MUC21: variants seen among roughly 807,000 people sequenced by gnomAD.
MUC21 encodes mucin-21.
MUC21 carries 8 observed loss-of-function variants against 9.1 expected under a neutral mutation model. That is an observed-to-expected ratio of 0.88 (90% CI 0.52 to 1.59). The LOEUF is 1.59. MUC21 is among the 40% of genes most tolerant of loss of function. The pLI, the probability that MUC21 is intolerant of heterozygous loss-of-function variation, is 0.00. For missense variants in MUC21, 478 were observed against 694.2 expected, an observed-to-expected ratio of 0.69 and a Z score of 3.50; for synonymous variants, 189 against 275.2, an observed-to-expected ratio of 0.69 and a Z score of 3.10.
intron 1 of MUC21, among the ~76,000 whole-genome samples, chr6:30,984,878 G>A (rs935795887): frequency 6.6e-6 from 1 of 151,962 alleles, no homozygotes; most frequent in Non-Finnish European, 1.5e-5. Context: ...AGGAGGCTGA[G>A]GCAGGAGAAT....
chr6:30,984,210 G>A (rs145206726), intron 1 of MUC21, 191 bp downstream of exon 1: 22 of 531,856 alleles, frequency 4.1e-5, no homozygotes, highest in Non-Finnish European at 6.7e-5. Context: ...ATTGGGCTCT[G>A]GTCTCACATT....
Position 30,987,180 on chromosome 6 carries a change from C to T in MUC21, c.1005C>T (p.Ser335=), listed in dbSNP as rs779599163. The change falls in exon 2 of 3, where the codon TCC becomes TCT. Residue 335 remains serine (S), a synonymous_variant. Transcript: ENST00000376296. ...SGASTATNSE[S]STTSSGASTA... is the part of the protein sequence containing the mutation. ...CCAGCACAGCCACCAACTCTGAGTC[C>T]AGCACGACCTCCAGTGGGGCCAGCA... The T allele has an allele frequency of 1.9e-6, 3 of 1,601,710 alleles. No individual in the cohort carries two copies. Among genetic ancestry groups the T allele is most frequent in the African/African-American group, 1.4e-5 (1 of 73,540 alleles).
At position 30,983,997 on chromosome 6, in the gene MUC21, T is replaced by G. The variant is rs779374361; in HGVS notation, c.39T>G (p.Gly13=). The stretch of plus-strand genomic sequence containing the variant: ...AAGGAAATGTTCTCCTTATGTTTGG[T>G]CTACTATTGCATTTAGAAGCTGGTG... ...MQKGNVLLMF[G]LLLHLEAATN... The change falls in exon 1 of 3, where the codon GGT becomes GGG. Residue 13 remains glycine (G), a synonymous_variant. Coordinates refer to ENST00000376296, the MANE Select transcript of MUC21 (RefSeq NM_001010909.5). 2 of 779,902 alleles carry G rather than the reference T, an allele frequency of 2.6e-6. No homozygotes were observed. The highest frequency in any genetic ancestry group is 2.7e-5 in the South Asian group (2 of 74,598). The allele number at this position is 779,902 out of a possible 1,614,324, so 48.3% of individuals were successfully genotyped here. A position where few individuals can be genotyped will look rare whatever the true frequency, so the allele number is the denominator to read the frequency against.
chr6:30,984,205 G>GC (rs1762156570), intron 1 of MUC21, 186 bp downstream of exon 1: 3 of 537,280 alleles, frequency 5.6e-6, no homozygotes, highest in Non-Finnish European at 9.9e-6. Flanking sequence ...TTAAAATTGG[G>GC]CTCTGGTCTC....
chr6:30,989,383 C>G lies in MUC21; in HGVS notation c.*1189C>G, dbSNP rs1390294898. 2 of 152,150 alleles carry G rather than the reference C, an allele frequency of 1.3e-5. No individual in the cohort carries two copies. The highest frequency in any genetic ancestry group is 3.8e-4 in the East Asian group (2 of 5,204). 9.4% of individuals were successfully genotyped at this position (152,150 alleles called of 1,614,324 possible). ...GAGTTTTGCAGTGGTGCAATCATAG[C>G]TCATTGCAGCCTTCAATTCCTGGGC... On this transcript the variant is annotated 3_prime_UTR_variant, in exon 3 of 3. Coordinates refer to ENST00000376296, the MANE Select transcript of MUC21 (RefSeq NM_001010909.5).
At position 30,989,286 on chromosome 6, in the gene MUC21, C is replaced by G. The variant is rs1189007615; in HGVS notation, c.*1092C>G. The G allele has an allele frequency of 1.3e-5, 2 of 152,204 alleles. No individual in the cohort carries two copies. Among genetic ancestry groups the G allele is most frequent in the Non-Finnish European group, 2.9e-5 (2 of 68,038 alleles). The allele number at this position is 152,204 out of a possible 1,614,324, so 9.4% of individuals were successfully genotyped here. A position where few individuals can be genotyped will look rare whatever the true frequency, so the allele number is the denominator to read the frequency against. Reference sequence around the variant, plus strand: ...TCTTACCAATGCGGCTATAGGAAAACAGCCTGTTGCATGGTAAGAGTGATA... The same window carrying G: ...TCTTACCAATGCGGCTATAGGAAAAGAGCCTGTTGCATGGTAAGAGTGATA... On this transcript the variant is annotated 3_prime_UTR_variant, in exon 3 of 3. Transcript: ENST00000376296.
rs1341540051 is a variant in MUC21, at chr6:30,986,492, C to A, written c.317C>A (p.Thr106Asn). Residue 106 changes from threonine to asparagine, a missense_variant, in exon 2 of 3, where the codon ACC (threonine) becomes AAC (asparagine). Thr to Asn is a moderately conservative substitution (Grantham distance 65). Around this residue, in one of 5 missense-constraint regions of MUC21, gnomAD observed 53 missense variants for 139.1 expected, o/e 0.38. Coordinates refer to ENST00000376296, the MANE Select transcript of MUC21 (RefSeq NM_001010909.5). The stretch of plus-strand genomic sequence containing the variant: ...GTGTCCAGTGGGATCAGCATAGCCA[C>A]CAACTCTGAGTCCAGCACAACCTCC... ...STVSSGISIA[T>N]NSESSTTSSG... 1 of 1,581,264 alleles carries A rather than the reference C, an allele frequency of 6.3e-7. No individual in the cohort carries two copies. The highest frequency in any genetic ancestry group is 8.7e-7 in the Non-Finnish European group (1 of 1,154,562).
chr6:30,987,711 G>A, intron 2 of MUC21, 30 bp downstream of exon 2: 1 of 1,602,122 alleles, frequency 6.2e-7, no homozygotes, highest in Non-Finnish European at 8.5e-7. Flanking sequence ...GAAAATGCCT[G>A]GGGGAAGGAG....
intron 1 of MUC21, among the ~76,000 whole-genome samples, chr6:30,985,146 T>C (rs1762196990): frequency 6.6e-6 from 1 of 152,166 alleles, no homozygotes; most frequent in South Asian, 2.1e-4. Flanking sequence ...TTCATCCTTC[T>C]GGGAAATCAA....
At chr6:30,987,710 TG>T in intron 2 of MUC21, 29 bp downstream of exon 2, 2 of 1,603,116 alleles carry the variant, frequency 1.2e-6, no homozygotes, top group Middle Eastern at 1.7e-4. Flanking sequence ...AGAAAATGCC[TG>T]GGGGAAGGAG....
rs1033249270 is a variant in MUC21 at position 30,983,765 on chromosome 6, G to T, written c.-194G>T. 2.7e-5 allele frequency: 13 copies of T among 488,896 alleles called. No homozygotes were observed. Among genetic ancestry groups the T allele is most frequent in the Non-Finnish European group, 4.3e-5 (12 of 277,836 alleles). 30.3% of individuals were successfully genotyped at this position (488,896 alleles called of 1,614,324 possible). Reference sequence around the variant, plus strand: ...CCTGGAGGAAGCCTAAGGAACCCAGGCATCCAGCTGCCCACGCCTGAGTCC... The same window carrying T: ...CCTGGAGGAAGCCTAAGGAACCCAGTCATCCAGCTGCCCACGCCTGAGTCC... On this transcript the variant is annotated 5_prime_UTR_variant, in exon 1 of 3. Coordinates refer to ENST00000376296, the MANE Select transcript of MUC21 (RefSeq NM_001010909.5).
rs73727148 is a variant in MUC21, at chr6:30,983,781, G to A, written c.-178G>A. On this transcript the variant is annotated 5_prime_UTR_variant, in exon 1 of 3. Transcript: ENST00000376296. ...GGAACCCAGGCATCCAGCTGCCCAC[G>A]CCTGAGTCCAAGATTCTTCCCAGGA... The A allele has an allele frequency of 1.9e-6, 1 of 515,200 alleles. No homozygotes were observed. The allele number at this position is 515,200 out of a possible 1,614,324, so 31.9% of individuals were successfully genotyped here. A position where few individuals can be genotyped will look rare whatever the true frequency, so the allele number is the denominator to read the frequency against.
At position 30,986,481 on chromosome 6, in the gene MUC21, C is replaced by G; in HGVS notation, c.306C>G (p.Ile102Met). ...AGTTCAGCACAGTGTCCAGTGGGAT[C>G]AGCATAGCCACCAACTCTGAGTCCA... ...NSEFSTVSSG[I>M]SIATNSESST... The change falls in exon 2 of 3, where the codon ATC (isoleucine) becomes ATG (methionine). Residue 102 changes from isoleucine to methionine, a missense_variant. By Grantham distance (10) the Ile-to-Met change is conservative. Around this residue, in one of 5 missense-constraint regions of MUC21, gnomAD observed 53 missense variants for 139.1 expected, o/e 0.38. Transcript: ENST00000376296. 1.2e-6 allele frequency: 2 copies of G among 1,600,538 alleles called. No homozygotes were observed. The highest frequency in any genetic ancestry group is 2.7e-5 in the African/African-American group (2 of 74,514).
intron 2 of MUC21, 33 bp downstream of exon 2, chr6:30,987,714 G>C (rs1762446026): frequency 6.2e-7 from 1 of 1,600,568 alleles, no homozygotes; most frequent in Non-Finnish European, 8.5e-7. Context: ...AATGCCTGGG[G>C]GAAGGAGCAG....
At position 30,988,410 on chromosome 6, in the gene MUC21, T is replaced by C; in HGVS notation, c.*216T>C. The C allele has an allele frequency of 1.9e-6, 1 of 526,844 alleles. No individual in the cohort carries two copies. Among genetic ancestry groups the C allele is most frequent in the Admixed American group, 3.5e-5 (1 of 28,350 alleles). The allele number at this position is 526,844 out of a possible 1,614,324, so 32.6% of individuals were successfully genotyped here. ...AGCTAAGAAATAAATACATCTCATC[T>C]AACACACACGACAAAGAGAAGCTGT... On this transcript the variant is annotated 3_prime_UTR_variant, in exon 3 of 3. Transcript: ENST00000376296.
chr6:30,987,598 C>T lies in MUC21; in HGVS notation c.1423C>T (p.Leu475=). ...AVSEAKPGGS[L]VPWEIFLITL... ...GAGTGAGGCGAAGCCTGGTGGGTCC[C>T]TGGTGCCGTGGGAAATCTTCCTCAT... The change falls in exon 2 of 3, where the codon CTG becomes TTG. Residue 475 remains leucine, a synonymous_variant. Transcript: ENST00000376296. 2 of 1,614,230 alleles carry T rather than the reference C, an allele frequency of 1.2e-6. No individual in the cohort carries two copies. Among genetic ancestry groups the T allele is most frequent in the Non-Finnish European group, 1.7e-6 (2 of 1,180,038 alleles).
Position 30,986,251 on chromosome 6 carries a change from G to A in MUC21, c.76G>A (p.Glu26Lys), listed in dbSNP as rs1762237814. Residue 26 changes from glutamate to lysine, a missense_variant, in exon 2 of 3, where the codon GAG becomes AAG. Physicochemically the swap from Glu to Lys is moderately conservative, Grantham distance 56 (BLOSUM62 1). Coordinates refer to ENST00000376296, the MANE Select transcript of MUC21 (RefSeq NM_001010909.5). ...LHLEAATNSN[E>K]TSTSANTGSS... ...GATTTCTTCAGCAACAAATTCCAAT[G>A]AGACTAGCACCTCTGCCAACACTGG... is the stretch of plus-strand genomic sequence containing the variant. 1.9e-6 allele frequency: 3 copies of A among 1,608,432 alleles called. No individual in the cohort carries two copies. The highest frequency in any genetic ancestry group is 2.6e-6 in the Non-Finnish European group (3 of 1,176,062).
chr6:30,987,938 A>G (rs1179558871), intron 2 of MUC21, 62 bp from the exon 3 acceptor site: 7 of 987,354 alleles, frequency 7.1e-6, no homozygotes, highest in Admixed American at 3.5e-5. Context: ...CAGAAGGCGT[A>G]CGTGGTAAAG....
chr6:30,987,852 G>T, intron 2 of MUC21, 148 bp from the exon 3 acceptor site: 2 of 1,183,826 alleles, frequency 1.7e-6, no homozygotes, highest in South Asian at 1.5e-5. Context: ...GCTGACCTGC[G>T]GGAAAAGGGG....
Sources: allele counts gnomAD v4.1 joint callset (sites outside exome capture counted in the v4.1 genomes callset), GRCh38; gene constraint gnomAD v4.1.1; regional missense constraint gnomAD v4.1.1; transcripts MANE v1.5; gene names NCBI Gene and HGNC (gene_info 2026-07-23, HGNC 2026-07-21).